Variants in DNAJB1 observed in about 807,000 individuals in gnomAD.
The protein encoded by DNAJB1 is DnaJ heat shock protein family (Hsp40) member B1.
In DNAJB1, 14 loss-of-function variants were observed where a neutral mutation model predicts 24.0. The observed-to-expected ratio is 0.58, with a 90% CI of 0.39 to 0.91. The LOEUF (loss-of-function observed/expected upper bound fraction) is 0.91, where lower values mean the gene tolerates loss of function less well. Among genes scored for constraint, DNAJB1 ranks in the 40% least tolerant of loss-of-function variants. The pLI, the probability that DNAJB1 is intolerant of heterozygous loss-of-function variation, is 0.00. For synonymous variants in DNAJB1, 262 were observed against 174.4 expected, an observed-to-expected ratio of 1.50 and a Z score of -3.96; for missense variants, 517 against 458.1, an observed-to-expected ratio of 1.13 and a Z score of -1.17.
At chr19:14,536,942 A>C (rs368697580) in intron 1 of DNAJB1, among the ~76,000 whole-genome samples, 1 of 140,754 alleles carries the variant, frequency 7.1e-6, no homozygotes, top group Non-Finnish European at 1.5e-5. Flanking sequence ...ACCTCTGGAC[A>C]CGGGGCAGAT....
At chr19:14,529,783 G>T, upstream of DNAJB1, 2 of 1,607,438 alleles carry the variant, frequency 1.2e-6, no homozygotes, top group Admixed American at 1.7e-5. Context: ...GGGACCACGG[G>T]ACCCCACTTT....
chr19:14,540,830 CT>C (rs200190797), intron 1 of DNAJB1, among the ~76,000 whole-genome samples: 3 of 151,794 alleles, frequency 2.0e-5, no homozygotes, highest in Admixed American at 2.0e-4. Context: ...TGTCTGGCTG[CT>C]TTTTTTTGTT....
upstream of DNAJB1, among the ~76,000 whole-genome samples, chr19:14,553,671 A>G (rs1384603139): frequency 6.6e-6 from 1 of 152,146 alleles, no homozygotes; most frequent in Non-Finnish European, 1.5e-5. Flanking sequence ...GCCGGAGTCC[A>G]GATGAATGTG....
At chr19:14,545,565 C>T (rs943264839) in intron 1 of DNAJB1, among the ~76,000 whole-genome samples, 5 of 152,202 alleles carry the variant, frequency 3.3e-5, no homozygotes, top group Admixed American at 6.5e-5. Flanking sequence ...GCCCTTGGAT[C>T]GCTGCCCGCA....
chr19:14,532,916 C>T (rs1468849831), upstream of DNAJB1, among the ~76,000 whole-genome samples: 1 of 151,978 alleles, frequency 6.6e-6, no homozygotes, highest in East Asian at 1.9e-4. Flanking sequence ...TCGAGACCAG[C>T]CTGGTCAACA....
chr19:14,543,684 C>T (rs865813900), intron 1 of DNAJB1, among the ~76,000 whole-genome samples: 29 of 150,230 alleles, frequency 1.9e-4, no homozygotes, highest in Non-Finnish European at 3.4e-4. Context: ...GTGATCCTCC[C>T]GCCTCGGCCT....
At chr19:14,556,719 AT>A (rs1568421578) in intron 1 of DNAJB1, among the ~76,000 whole-genome samples, 1 of 152,156 alleles carries the variant, frequency 6.6e-6, no homozygotes, top group Non-Finnish European at 1.5e-5. Flanking sequence ...TTAAGGTCCC[AT>A]TCTGCACCAG....
At chr19:14,556,885 A>C (rs78394654) in intron 1 of DNAJB1, among the ~76,000 whole-genome samples, 1 of 152,036 alleles carries the variant, frequency 6.6e-6, no homozygotes, top group Non-Finnish European at 1.5e-5. Context: ...CCCGGTGGTG[A>C]CGGGTCAGCT....
chr19:14,535,723 T>C, intron 1 of DNAJB1, among the ~76,000 whole-genome samples: 1 of 126,970 alleles, frequency 7.9e-6, no homozygotes, highest in African/African-American at 3.1e-5. Flanking sequence ...ACCACTGCAT[T>C]CCGGTCCTGG....
chr19:14,517,218 C>T (rs1445789363), intron 1 of DNAJB1, 172 bp from the exon 2 acceptor site: 2 of 630,104 alleles, frequency 3.2e-6, no homozygotes, highest in Non-Finnish European at 5.4e-6. Flanking sequence ...GCAGAGACGC[C>T]CCCCTACCAA....
intron 1 of DNAJB1, among the ~76,000 whole-genome samples, chr19:14,556,749 C>CAT (rs946467030): frequency 6.6e-6 from 1 of 152,220 alleles, no homozygotes; most frequent in African/African-American, 2.4e-5. Context: ...CCGTCCCTGA[C>CAT]ATCGGCTTTG....
chr19:14,557,157 T>A (rs868604319), intron 1 of DNAJB1, among the ~76,000 whole-genome samples: 7 of 39,894 alleles, frequency 1.8e-4, no homozygotes, highest in African/African-American at 4.4e-4. Flanking sequence ...TTATTTATTT[T>A]GAGACAGGGT....
upstream of DNAJB1, among the ~76,000 whole-genome samples, chr19:14,551,563 C>T (rs146574838): frequency 4.2e-4 from 64 of 152,274 alleles, 1 homozygote; most frequent in African/African-American, 1.3e-3. Flanking sequence ...GCATTGAGGA[C>T]GCGCCCCTGC....
chr19:14,543,210 T>C (rs2146579966), intron 1 of DNAJB1, among the ~76,000 whole-genome samples: 1 of 147,266 alleles, frequency 6.8e-6, no homozygotes, highest in East Asian at 2.0e-4. Flanking sequence ...CTCAAGTGTC[T>C]AACTCAGGAG....
At chr19:14,516,263 G>A in intron 2 of DNAJB1, 93 bp from the exon 3 acceptor site, 6 of 1,431,460 alleles carry the variant, frequency 4.2e-6, no homozygotes, top group Non-Finnish European at 5.7e-6. Context: ...GACCCATCAG[G>A]CCTCTGCAGC....
rs1179257381 is a variant in DNAJB1 at position 14,516,173 on chromosome 19, T to G, written c.793-3A>C. On this transcript the variant is annotated splice_region_variant and splice_polypyrimidine_tract_variant and intron_variant, in intron 2 of 2. Coordinates refer to ENST00000254322, the MANE Select transcript of DNAJB1 (RefSeq NM_006145.3). Reference sequence around the variant, plus strand: ...TTCACTGTGCAGCCACACAGAGCCTTGAAAAGCAAAAGGACAGCATTAGAT... The same window carrying G: ...TTCACTGTGCAGCCACACAGAGCCTGGAAAAGCAAAAGGACAGCATTAGAT... The G allele has an allele frequency of 2.5e-6, 4 of 1,612,988 alleles. No individual in the cohort carries two copies. The African/African-American group carries it at 4.0e-5, about 16-fold the overall frequency.
intron 1 of DNAJB1, among the ~76,000 whole-genome samples, chr19:14,539,880 CTTTT>C (rs35738060): frequency 1.4e-4 from 20 of 142,338 alleles, no homozygotes; most frequent in South Asian, 2.2e-4. Flanking sequence ...TGTTTTCTTT[CTTTT>C]TTTTTTTTTT....
chr19:14,519,414 C>A (rs191771138), upstream of DNAJB1, among the ~76,000 whole-genome samples: 1,290 of 152,112 alleles, frequency 8.5e-3, 13 homozygotes, highest in Non-Finnish European at 0.015. Flanking sequence ...AACAAAAAAC[C>A]CACCAGCGCT....
At chr19:14,553,469 G>A (rs1020119910), upstream of DNAJB1, among the ~76,000 whole-genome samples, 5 of 152,144 alleles carry the variant, frequency 3.3e-5, no homozygotes, top group African/African-American at 9.6e-5. Flanking sequence ...AGCCGCCCCC[G>A]GGTGCCACTG....
Sources: allele counts gnomAD v4.1 joint callset (sites outside exome capture counted in the v4.1 genomes callset), GRCh38; gene constraint gnomAD v4.1.1; transcripts MANE v1.5; gene names NCBI Gene and HGNC (gene_info 2026-07-23, HGNC 2026-07-21).